Variants in CHD6 observed in about 807,000 individuals in gnomAD.
The protein encoded by CHD6 is chromodomain helicase DNA binding protein 6.
Under a neutral mutation model 276.9 loss-of-function variants are expected in CHD6, and 50 were observed. The ratio of observed to expected loss-of-function variants is 0.18; its 90% CI spans 0.14 to 0.23. The LOEUF (loss-of-function observed/expected upper bound fraction) is 0.23. Ranked by LOEUF, CHD6 falls within the 10% of genes least tolerant of loss-of-function variation. The probability of loss-of-function intolerance (pLI) is 1.00; values close to 1 mark genes in which losing one functional copy is unlikely to be tolerated. For missense variants in CHD6, 2,564 were observed against 3,365.8 expected (o/e 0.76, Z 5.89); for synonymous variants, 1,173 against 1,229.3 (o/e 0.95, Z 0.96).
At chr20:41,575,392 T>C (rs182267429) in intron 1 of CHD6, among the ~76,000 whole-genome samples, 4 of 152,234 alleles carry the variant, frequency 2.6e-5, no homozygotes, top group Admixed American at 2.6e-4. Flanking sequence ...CCAGTAAAAA[T>C]ATATATTTAT....
At chr20:41,593,299 T>C (rs1386081976) in intron 1 of CHD6, among the ~76,000 whole-genome samples, 1 of 152,152 alleles carries the variant, frequency 6.6e-6, no homozygotes, top group Non-Finnish European at 1.5e-5. Flanking sequence ...TCCCTTGTGA[T>C]GCTCACATGG....
At position 41,457,333 on chromosome 20, in the gene CHD6, C is replaced by T. The variant is rs2048406335; in HGVS notation, c.2760G>A (p.Lys920=). 3.1e-6 allele frequency: 5 copies of T among 1,614,014 alleles called. No homozygotes were observed. The African/African-American group carries it at 4.0e-5, about 13-fold the overall frequency. ...RNSYEREMFD[K]ASLKLGLDKA... ...TGTCCAGCCCCAGCTTTAGGCTGGC[C>T]TTGTCAAACATCTCGCGCTCGTAGG... is the stretch of plus-strand genomic sequence containing the variant. The change falls in exon 18 of 37, where the codon AAG becomes AAA. Residue 920 remains lysine (K), a synonymous_variant. Coordinates refer to ENST00000373233, the MANE Select transcript of CHD6 (RefSeq NM_032221.5).
At chr20:41,558,505 C>G (rs796338409) in intron 1 of CHD6, among the ~76,000 whole-genome samples, 9 of 152,300 alleles carry the variant, frequency 5.9e-5, no homozygotes, top group African/African-American at 2.2e-4. Flanking sequence ...GATGTAAAAA[C>G]AAACAATATA....
At chr20:41,581,244 T>C (rs894760297) in intron 1 of CHD6, among the ~76,000 whole-genome samples, 2 of 152,180 alleles carry the variant, frequency 1.3e-5, no homozygotes, top group African/African-American at 4.8e-5. Flanking sequence ...GATGAGGACA[T>C]TGAAGCACAA....
intron 2 of CHD6, among the ~76,000 whole-genome samples, chr20:41,534,241 T>G (rs1342137496): frequency 6.6e-6 from 1 of 152,164 alleles, no homozygotes; most frequent in African/African-American, 2.4e-5. Context: ...AAGAAGAGCC[T>G]GGGAGGGACA....
chr20:41,434,746 G>T (rs1415576909), intron 27 of CHD6, among the ~76,000 whole-genome samples: 1 of 152,172 alleles, frequency 6.6e-6, no homozygotes, highest in Non-Finnish European at 1.5e-5. Flanking sequence ...AGAGCTGAAA[G>T]GAGACATAAA....
intron 1 of CHD6, among the ~76,000 whole-genome samples, chr20:41,553,452 T>C (rs1365108817): frequency 3.3e-5 from 5 of 152,254 alleles, no homozygotes; most frequent in South Asian, 4.1e-4. Flanking sequence ...CATTCCTTAT[T>C]TGGAAATGTT....
chr20:41,419,354 T>C (rs749335781), intron 31 of CHD6, among the ~76,000 whole-genome samples: 34 of 151,472 alleles, frequency 2.2e-4, no homozygotes, highest in Admixed American at 2.6e-4. Flanking sequence ...CTGAGGCAAG[T>C]GGATTGCTTG....
Position 41,452,220 on chromosome 20 carries a change from C to A in CHD6, c.3324-195G>T, listed in dbSNP as rs1027999312. On this transcript the variant is annotated intron_variant, in intron 21 of 36. Transcript: ENST00000373233. This position sits in a 1 kb window ranked among gnomAD's most constrained non-coding sequence, Gnocchi z 4.2. ...GCACACCGAATATCACTAAAGTGAC[C>A]TGGACGTTGGACACTGAGAGCTTCA... Among the ~76,000 whole-genome samples, 2 of 152,210 alleles carry A rather than the reference C, an allele frequency of 1.3e-5. No homozygotes were observed. The highest frequency in any genetic ancestry group is 4.8e-5 in the African/African-American group (2 of 41,438).
chr20:41,509,796 T>C (rs559718894), intron 5 of CHD6, among the ~76,000 whole-genome samples: 1 of 152,200 alleles, frequency 6.6e-6, no homozygotes, highest in African/African-American at 2.4e-5. Context: ...AATAAGAAAA[T>C]AAAGAGTCAC....
chr20:41,426,175 C>T (rs2047357030), intron 27 of CHD6, 22 bp from the exon 28 acceptor site: 1 of 1,588,238 alleles, frequency 6.3e-7, no homozygotes, highest in Non-Finnish European at 8.6e-7. Flanking sequence ...TAAAGCCATC[C>T]CATCAGCAAA....
At chr20:41,447,803 G>T in intron 24 of CHD6, 79 bp downstream of exon 24, 1 of 1,015,516 alleles carries the variant, frequency 9.8e-7, no homozygotes, top group Non-Finnish European at 1.5e-6. Context: ...TTTAAGCACA[G>T]GCAAGTTTGG....
At chr20:41,430,221 C>CTG (rs777154526) in intron 27 of CHD6, among the ~76,000 whole-genome samples, 12 of 152,304 alleles carry the variant, frequency 7.9e-5, no homozygotes, top group Non-Finnish European at 1.6e-4. Context: ...ATCCACTCCC[C>CTG]ATTTCAACTG....
In CHD6 at chr20:41,452,939, T is replaced by C; in HGVS notation, c.3124A>G (p.Ser1042Gly). The change falls in exon 21 of 37, where the codon AGC (serine) becomes GGC (glycine). Residue 1042 changes from serine (S) to glycine (G), a missense_variant. Ser to Gly is a moderately conservative substitution (Grantham distance 56). Coordinates refer to ENST00000373233, the MANE Select transcript of CHD6 (RefSeq NM_032221.5). This position sits in a 1 kb window ranked among gnomAD's most constrained non-coding sequence, Gnocchi z 4.2. ...LDTEAKNEKE[S>G]LVIDRPRVRK... ...ACGCGAGGTCGGTCGATCACTAAGC[T>C]TTCCTAGAAATGGAGAGGACTACTG... 1 of 1,613,448 alleles carries C rather than the reference T, an allele frequency of 6.2e-7. No individual in the cohort carries two copies. The highest frequency in any genetic ancestry group is 1.1e-5 in the South Asian group (1 of 91,050).
chr20:41,593,162 A>G (rs1258502490), intron 1 of CHD6, among the ~76,000 whole-genome samples: 1 of 144,756 alleles, frequency 6.9e-6, no homozygotes, highest in African/African-American at 2.5e-5. Flanking sequence ...ATGTTTTGAT[A>G]AGGAGAATGC....
At chr20:41,415,790 G>C (rs887430294) in intron 33 of CHD6, 152 bp from the exon 34 acceptor site, 28 of 624,078 alleles carry the variant, frequency 4.5e-5, no homozygotes, top group Middle Eastern at 4.3e-4. Flanking sequence ...AACCTGAACA[G>C]CTTGTTAAAA....
intron 1 of CHD6, among the ~76,000 whole-genome samples, chr20:41,580,961 C>G (rs548356907): frequency 2.0e-5 from 3 of 152,256 alleles, no homozygotes; most frequent in African/African-American, 7.2e-5. Context: ...GCTCTGCTCC[C>G]TTTCTGCTGT....
At chr20:41,556,636 C>A (rs1301268230) in intron 1 of CHD6, among the ~76,000 whole-genome samples, 2 of 151,928 alleles carry the variant, frequency 1.3e-5, no homozygotes, top group Non-Finnish European at 2.9e-5. Flanking sequence ...GAGTAACTGT[C>A]TAGTTCACTG....
rs1466979497 is a variant in CHD6, at chr20:41,402,881, A to G, written c.*1712T>C. ...ATCTATGCTACAAGGATGTCATTAA[A>G]TAGGATTTGTTCAATTACTGGATTC... On this transcript the variant is annotated 3_prime_UTR_variant, in exon 37 of 37. Transcript: ENST00000373233. 3.8e-5 allele frequency: 8 copies of G among 207,904 alleles called. No homozygotes were observed. The highest frequency in any genetic ancestry group is 6.9e-5 in the Non-Finnish European group (7 of 101,890). The allele number at this position is 207,904 out of a possible 1,614,324, so 12.9% of individuals were successfully genotyped here.
Sources: allele counts gnomAD v4.1 joint callset (sites outside exome capture counted in the v4.1 genomes callset), GRCh38; gene constraint gnomAD v4.1.1; non-coding constraint Gnocchi (gnomAD v3.1); transcripts MANE v1.5; gene names NCBI Gene and HGNC (gene_info 2026-07-23, HGNC 2026-07-21).